ME3: variants seen among roughly 807,000 people sequenced by gnomAD.
The protein encoded by ME3 is malic enzyme 3.
In ME3, 48 loss-of-function variants were observed where a neutral mutation model predicts 68.9. The observed-to-expected ratio is 0.70, with a 90% confidence interval of 0.55 to 0.89. ME3 has a LOEUF of 0.89. Among genes scored for constraint, ME3 ranks in the 40% least tolerant of loss-of-function variants. The probability of loss-of-function intolerance (pLI) is 0.00; values close to 1 mark genes in which losing one functional copy is unlikely to be tolerated. For synonymous variants in ME3, 320 were observed against 318.8 expected, an observed-to-expected ratio of 1.00 and a Z score of -0.04; for missense variants, 675 against 797.4, an observed-to-expected ratio of 0.85 and a Z score of 1.85.
intron 2 of ME3, among the ~76,000 whole-genome samples, chr11:86,606,379 G>GT (rs78459665): frequency 0.18 from 26,853 of 152,104 alleles, 2,754 homozygotes; most frequent in East Asian, 0.4. Context: ...AGGGTAGTCT[G>GT]TTGTGGACAG....
chr11:86,565,731 G>T (rs1000281259), intron 2 of ME3, among the ~76,000 whole-genome samples: 1 of 152,148 alleles, frequency 6.6e-6, no homozygotes, highest in African/African-American at 2.4e-5. Flanking sequence ...TACTGGACAT[G>T]TATTATGTAA....
At chr11:86,581,799 A>C (rs1958456021) in intron 2 of ME3, among the ~76,000 whole-genome samples, 3 of 152,252 alleles carry the variant, frequency 2.0e-5, no homozygotes, top group Non-Finnish European at 4.4e-5. Context: ...TGGATTCCTC[A>C]CCACTCAACC....
chr11:86,513,033 T>C (rs761385886), intron 4 of ME3, among the ~76,000 whole-genome samples: 24 of 152,196 alleles, frequency 1.6e-4, no homozygotes, highest in Non-Finnish European at 1.2e-4. Context: ...ACAACTCTTA[T>C]CAATGGAGAA....
intron 4 of ME3, among the ~76,000 whole-genome samples, chr11:86,522,523 C>T (rs1202985531): frequency 6.6e-6 from 1 of 151,808 alleles, no homozygotes; most frequent in Non-Finnish European, 1.5e-5. Flanking sequence ...CTTCCCTTAC[C>T]CCGCCCCCTC....
chr11:86,662,914 G>A (rs2135497934), intron 2 of ME3, among the ~76,000 whole-genome samples: 1 of 152,238 alleles, frequency 6.6e-6, no homozygotes, highest in South Asian at 2.1e-4. Flanking sequence ...TCCCTCTCCT[G>A]TTGGGAAGTC....
chr11:86,540,507 T>C (rs1955976878), intron 4 of ME3, among the ~76,000 whole-genome samples: 3 of 152,174 alleles, frequency 2.0e-5, no homozygotes, highest in South Asian at 4.1e-4. Context: ...TCTTGATCTA[T>C]TCCTTCACAT....
At chr11:86,441,558 A>G (rs1213393854) in intron 14 of ME3, 118 bp from the exon 15 acceptor site, 2 of 999,780 alleles carry the variant, frequency 2.0e-6, no homozygotes, top group Non-Finnish European at 2.9e-6. Flanking sequence ...TGTTTCTTTC[A>G]TGAGTATGGC....
At chr11:86,596,563 C>T (rs1197219386) in intron 2 of ME3, among the ~76,000 whole-genome samples, 1 of 152,206 alleles carries the variant, frequency 6.6e-6, no homozygotes. Context: ...ATCTTGACCT[C>T]CTTCTCCCTT....
chr11:86,588,248 G>C (rs766846309), intron 2 of ME3, among the ~76,000 whole-genome samples: 3 of 152,144 alleles, frequency 2.0e-5, no homozygotes, highest in Non-Finnish European at 4.4e-5. Flanking sequence ...AACAATGTCT[G>C]GTTCAGAATA....
chr11:86,484,540 CTG>C (rs919510780), intron 7 of ME3, among the ~76,000 whole-genome samples: 19 of 152,052 alleles, frequency 1.2e-4, no homozygotes, highest in African/African-American at 4.3e-4. Context: ...CCCGGACTGC[CTG>C]TGTGTGTGTG....
chr11:86,611,237 G>A (rs889360989), intron 2 of ME3, among the ~76,000 whole-genome samples: 3 of 152,044 alleles, frequency 2.0e-5, no homozygotes, highest in Non-Finnish European at 4.4e-5. Flanking sequence ...GCCAGGGCCC[G>A]GGGTGTGGGG....
At chr11:86,617,045 G>GTTTTGTTT (rs1943008653) in intron 2 of ME3, among the ~76,000 whole-genome samples, 1 of 56,300 alleles carries the variant, frequency 1.8e-5, no homozygotes, top group African/African-American at 6.6e-5. Flanking sequence ...CAAGATAGTA[G>GTTTTGTTT]TTTTTTTTTT....
chr11:86,459,567 A>T (rs1420035964), intron 8 of ME3, among the ~76,000 whole-genome samples: 1 of 151,942 alleles, frequency 6.6e-6, no homozygotes, highest in Non-Finnish European at 1.5e-5. Flanking sequence ...AACCAACCAT[A>T]ACAGATGCTG....
chr11:86,518,712 C>T (rs1017302387), intron 4 of ME3, among the ~76,000 whole-genome samples: 10 of 152,192 alleles, frequency 6.6e-5, no homozygotes, highest in African/African-American at 2.4e-4. Flanking sequence ...ATCTTCAGCT[C>T]TCCACAAATT....
chr11:86,564,593 C>G (rs1211762447), intron 2 of ME3, among the ~76,000 whole-genome samples: 1 of 152,022 alleles, frequency 6.6e-6, no homozygotes, highest in African/African-American at 2.4e-5. Flanking sequence ...CAAGTCGATC[C>G]AATGGGGGAA....
intron 7 of ME3, among the ~76,000 whole-genome samples, chr11:86,473,990 A>G (rs192326938): frequency 1.1e-4 from 17 of 152,372 alleles, no homozygotes; most frequent in African/African-American, 3.8e-4. Context: ...TATAAGGCAG[A>G]GATTTCAAAC....
At chr11:86,448,006 G>A (rs1949419189) in intron 11 of ME3, 144 bp downstream of exon 11, 1 of 620,078 alleles carries the variant, frequency 1.6e-6, no homozygotes, top group African/African-American at 1.8e-5. Context: ...CTCAATAAAA[G>A]TTTGTGGCAT....
At chr11:86,475,294 C>T (rs1226909956) in intron 7 of ME3, among the ~76,000 whole-genome samples, 1 of 152,142 alleles carries the variant, frequency 6.6e-6, no homozygotes, top group African/African-American at 2.4e-5. Context: ...TCCCCTTTTG[C>T]TCTCCTGTTC....
chr11:86,656,215 G>T (rs2135462298), intron 2 of ME3, among the ~76,000 whole-genome samples: 1 of 151,712 alleles, frequency 6.6e-6, no homozygotes, highest in South Asian at 2.1e-4. Flanking sequence ...TCTAGAACTA[G>T]AAATACCATT....
Sources: gnomAD v4.1 joint callset for allele counts (sites outside exome capture counted in the v4.1 genomes callset) on GRCh38, gnomAD v4.1.1 for gene constraint, MANE v1.5 for transcripts, NCBI Gene and HGNC (gene_info 2026-07-23, HGNC 2026-07-21) for gene names.